Variants in IQGAP2 observed in about 807,000 individuals in gnomAD.
IQGAP2 encodes ras GTPase-activating-like protein IQGAP2.
In IQGAP2, 173 loss-of-function variants were observed where a neutral mutation model predicts 201.3. That is an observed-to-expected ratio of 0.86 (90% CI 0.76 to 0.98). The LOEUF (loss-of-function observed/expected upper bound fraction) is 0.98, where lower values mean the gene tolerates loss of function less well. Ranked by LOEUF, IQGAP2 falls within the 50% of genes least tolerant of loss-of-function variation. The pLI, the probability that IQGAP2 is intolerant of heterozygous loss-of-function variation, is 0.00. For synonymous variants in IQGAP2, 675 were observed against 673.9 expected (o/e 1.00, Z -0.03); for missense variants, 1,687 against 1,864.8 (o/e 0.90, Z 1.76).
chr5:76,602,688 A>G (rs138203811), intron 11 of IQGAP2, among the ~76,000 whole-genome samples: 1 of 152,164 alleles, frequency 6.6e-6, no homozygotes, highest in Non-Finnish European at 1.5e-5. Context: ...ATTGGCCCCA[A>G]ATGATCTTCT....
chr5:76,538,354 A>G (rs1017530418), intron 2 of IQGAP2, among the ~76,000 whole-genome samples: 3 of 105,588 alleles, frequency 2.8e-5, no homozygotes, highest in Non-Finnish European at 5.5e-5. Flanking sequence ...GCCAATCCAT[A>G]TCAAGGGGGG....
At chr5:76,433,007 T>C (rs755680748) in intron 1 of IQGAP2, among the ~76,000 whole-genome samples, 17 of 152,172 alleles carry the variant, frequency 1.1e-4, no homozygotes, top group Non-Finnish European at 4.4e-5. Flanking sequence ...AGGAAAGAAA[T>C]GGTACTCAAA....
At chr5:76,495,715 G>A (rs563617816) in intron 2 of IQGAP2, among the ~76,000 whole-genome samples, 3 of 152,322 alleles carry the variant, frequency 2.0e-5, no homozygotes, top group South Asian at 2.1e-4. Flanking sequence ...TACAATCATG[G>A]CGGAAGGTGA....
rs531487251 is a variant in IQGAP2, at chr5:76,533,774, A to C, written c.147-28622A>C. ...AGGATGGTCTCAATCTCCTGACCTC[A>C]TGATCCGCCTGCTTCGGCCTCCCAA... On this transcript the variant is annotated intron_variant, in intron 2 of 35. Coordinates refer to ENST00000274364, the MANE Select transcript of IQGAP2 (RefSeq NM_006633.5). Among the ~76,000 whole-genome samples, 5 of 152,242 alleles carry C rather than the reference A, an allele frequency of 3.3e-5. No individual in the cohort carries two copies. In the South Asian group the frequency reaches 1.0e-3, roughly 32 times the overall value.
chr5:76,428,669 G>C (rs1296772594), intron 1 of IQGAP2, among the ~76,000 whole-genome samples: 1 of 149,348 alleles, frequency 6.7e-6, no homozygotes, highest in Non-Finnish European at 1.5e-5. Flanking sequence ...CTGACCTCAA[G>C]TGATCCACCC....
chr5:76,464,452 T>G (rs1447724893), intron 2 of IQGAP2, among the ~76,000 whole-genome samples: 3 of 152,228 alleles, frequency 2.0e-5, no homozygotes, highest in African/African-American at 7.2e-5. Context: ...TTCTACTAAA[T>G]TGTATGCTTG....
intron 1 of IQGAP2, among the ~76,000 whole-genome samples, chr5:76,409,610 C>T (rs1451589572): frequency 6.6e-6 from 1 of 152,146 alleles, no homozygotes; most frequent in East Asian, 1.9e-4. Context: ...TACTTAGAAA[C>T]ATCCCATCTC....
chr5:76,652,856 C>T (rs1192744805), intron 18 of IQGAP2, 23 bp downstream of exon 18: 1 of 1,465,310 alleles, frequency 6.8e-7, no homozygotes, highest in East Asian at 2.3e-5. Context: ...TCCTACCATA[C>T]CAAGTGCTTG....
chr5:76,571,214 T>C (rs1025063013), intron 4 of IQGAP2, among the ~76,000 whole-genome samples: 4 of 152,166 alleles, frequency 2.6e-5, no homozygotes, highest in African/African-American at 9.7e-5. Context: ...AGAGTCTGGC[T>C]CTGTCGCCCA....
Position 76,701,151 on chromosome 5 carries a change from C to T in IQGAP2, c.4443C>T (p.Tyr1481=). 6.2e-7 allele frequency: 1 copy of T among 1,613,664 alleles called. No individual in the cohort carries two copies. The highest frequency in any genetic ancestry group is 1.1e-5 in the South Asian group (1 of 91,076). Residue 1481 remains tyrosine, a synonymous_variant, in exon 34 of 36, where the codon TAC becomes TAT. Coordinates refer to ENST00000274364, the MANE Select transcript of IQGAP2 (RefSeq NM_006633.5). ...CGAAGAGAGCGAAGCCAGTGAAGTACACTGCAGCAAAGCTGCATGAGAAAG... is the reference window on the plus strand; with the variant it reads ...CGAAGAGAGCGAAGCCAGTGAAGTATACTGCAGCAAAGCTGCATGAGAAAG... The part of the protein sequence containing the change: ...KGAKRAKPVK[Y]TAAKLHEKGV...
chr5:76,424,190 C>A (rs192073906), intron 1 of IQGAP2, among the ~76,000 whole-genome samples: 22 of 152,296 alleles, frequency 1.4e-4, no homozygotes, highest in Admixed American at 1.2e-3. Flanking sequence ...ATATTGTTTT[C>A]AGTGTGTTTA....
chr5:76,408,297 G>T (rs1750908384), intron 1 of IQGAP2, among the ~76,000 whole-genome samples: 1 of 152,190 alleles, frequency 6.6e-6, no homozygotes, highest in East Asian at 1.9e-4. Context: ...GTTTAATATG[G>T]GATATGGAAC....
At chr5:76,484,962 G>A (rs552315750) in intron 2 of IQGAP2, among the ~76,000 whole-genome samples, 59 of 152,300 alleles carry the variant, frequency 3.9e-4, no homozygotes, top group African/African-American at 1.4e-3. Context: ...GTGAGTAGCT[G>A]GGACTACAGG....
At chr5:76,610,593 G>A (rs571246461) in intron 12 of IQGAP2, among the ~76,000 whole-genome samples, 11 of 151,818 alleles carry the variant, frequency 7.2e-5, no homozygotes, top group Non-Finnish European at 1.6e-4. Context: ...ATAAAAACCA[G>A]CAGCTGGGAC....
chr5:76,627,469 T>G lies in IQGAP2; in HGVS notation c.1581T>G (p.Asp527Glu), dbSNP rs2431352. The G allele has an allele frequency of 0.94, 1,501,365 of 1,595,492 alleles. 709,111 individuals are homozygous for G. The highest frequency in any genetic ancestry group is 0.98 in the Middle Eastern group (5,917 of 6,038). Residue 527 changes from aspartate to glutamate, a missense_variant, in exon 14 of 36, where the codon GAT becomes GAG. Physicochemically the swap from Asp to Glu is conservative, Grantham distance 45 (BLOSUM62 2). Transcript: ENST00000274364. ...WLDEIQQAVD[D>E]ANVDKDRAKQ... ...ATGAGATACAGCAAGCCGTCGATGATGCCAACGTGGACAAGGACAGAGCAA... is the reference window on the plus strand; with the variant it reads ...ATGAGATACAGCAAGCCGTCGATGAGGCCAACGTGGACAAGGACAGAGCAA...
intron 20 of IQGAP2, among the ~76,000 whole-genome samples, chr5:76,655,476 C>G (rs1321858373): frequency 6.6e-6 from 1 of 152,118 alleles, no homozygotes; most frequent in East Asian, 1.9e-4. Context: ...GAGACAGAGT[C>G]TCACACTGTC....
intron 13 of IQGAP2, chr5:76,618,431 T>G: frequency 6.2e-7 from 1 of 1,614,150 alleles, no homozygotes; most frequent in Non-Finnish European, 8.5e-7. Context: ...GTTTAGTACT[T>G]AAGGAGCTGG....
At chr5:76,540,508 T>A (rs1464544324) in intron 2 of IQGAP2, among the ~76,000 whole-genome samples, 2 of 151,958 alleles carry the variant, frequency 1.3e-5, no homozygotes, top group Non-Finnish European at 1.5e-5. Context: ...GGGGATGAAA[T>A]GAGAGAGAGG....
At position 76,632,583 on chromosome 5, in the gene IQGAP2, G is replaced by C. The variant is rs572114276; in HGVS notation, c.1780+557G>C. ...CAGATTTGGAAGTTCACATTGGTAA[G>C]ATTTCAGACAGAGGGAAAGAATGGT... On this transcript the variant is annotated intron_variant, in intron 15 of 35. Coordinates refer to ENST00000274364, the MANE Select transcript of IQGAP2 (RefSeq NM_006633.5). 2.0e-5 allele frequency among the ~76,000 whole-genome samples: 3 copies of C among 152,294 alleles called. No individual in the cohort carries two copies. In the East Asian group the frequency reaches 5.8e-4, roughly 29 times the overall value.
Sources: gnomAD v4.1 joint callset for allele counts (sites outside exome capture counted in the v4.1 genomes callset) on GRCh38, gnomAD v4.1.1 for gene constraint, MANE v1.5 for transcripts, NCBI Gene and HGNC (gene_info 2026-07-23, HGNC 2026-07-21) for gene names.